The following SLCO1B3 variants were observed in gnomAD, a reference collection of about 807,000 sequenced individuals.
SLCO1B3 encodes solute carrier organic anion transporter family member 1B3.
A neutral mutation model predicts 71.8 loss-of-function variants in SLCO1B3; 72 were observed. The observed-to-expected ratio is 1.00, with a 90% CI of 0.83 to 1.22. The LOEUF (loss-of-function observed/expected upper bound fraction) is 1.22. SLCO1B3 is among the 50% of genes most tolerant of loss of function. The pLI, the probability that SLCO1B3 is intolerant of heterozygous loss-of-function variation, is 0.00. For synonymous variants in SLCO1B3, 298 were observed against 278.4 expected (o/e 1.07, Z -0.70); for missense variants, 911 against 819.7 (o/e 1.11, Z -1.36).
At chr12:20,869,076 C>T (rs889339813) in intron 8 of SLCO1B3, among the ~76,000 whole-genome samples, 4 of 152,132 alleles carry the variant, frequency 2.6e-5, no homozygotes, top group East Asian at 1.9e-4. Flanking sequence ...TGGATAACTG[C>T]GGGCAAGCCT....
At chr12:20,829,578 T>C (rs1051606646) in intron 3 of SLCO1B3, among the ~76,000 whole-genome samples, 2 of 152,118 alleles carry the variant, frequency 1.3e-5, no homozygotes, top group Non-Finnish European at 2.9e-5. Context: ...AAATGTGCAA[T>C]TGGTTTTGTT....
intron 9 of SLCO1B3, among the ~76,000 whole-genome samples, chr12:20,876,056 T>G (rs1473881256): frequency 6.7e-6 from 1 of 149,442 alleles, no homozygotes; most frequent in Non-Finnish European, 1.5e-5. Context: ...GTAATTAAAA[T>G]TATATCTTAT....
At chr12:20,903,966 G>A (rs773990265) in intron 15 of SLCO1B3, among the ~76,000 whole-genome samples, 9 of 152,096 alleles carry the variant, frequency 5.9e-5, no homozygotes, top group Admixed American at 1.3e-4. Flanking sequence ...CTGGCCAGGC[G>A]CGGTGGCTCA....
intron 9 of SLCO1B3, among the ~76,000 whole-genome samples, chr12:20,877,549 G>A (rs940070058): frequency 1.3e-5 from 2 of 151,992 alleles, no homozygotes; most frequent in African/African-American, 4.8e-5. Flanking sequence ...AGTTATGATT[G>A]TATAGAAGTT....
chr12:20,830,518 C>G (rs1367520071), intron 3 of SLCO1B3, among the ~76,000 whole-genome samples: 4 of 152,064 alleles, frequency 2.6e-5, no homozygotes, highest in Non-Finnish European at 4.4e-5. Flanking sequence ...ACACTTTAAA[C>G]AAGATAAAGT....
At chr12:20,825,322 A>T (rs1000798459) in intron 3 of SLCO1B3, among the ~76,000 whole-genome samples, 1 of 152,100 alleles carries the variant, frequency 6.6e-6, no homozygotes, top group Non-Finnish European at 1.5e-5. Flanking sequence ...GTCTTCTGTG[A>T]CAGTCCCTGG....
chr12:20,906,589 GCA>G (rs1866250693), intron 15 of SLCO1B3, among the ~76,000 whole-genome samples: 1 of 152,076 alleles, frequency 6.6e-6, no homozygotes, highest in Non-Finnish European at 1.5e-5. Context: ...TACCTGTTGG[GCA>G]GGGAGATCTC....
intron 3 of SLCO1B3, among the ~76,000 whole-genome samples, chr12:20,833,855 A>G (rs1864606594): frequency 6.8e-6 from 1 of 146,218 alleles, no homozygotes; most frequent in Admixed American, 7.0e-5. Flanking sequence ...ATAAGTTTAT[A>G]TACTCTATAT....
intron 13 of SLCO1B3, among the ~76,000 whole-genome samples, chr12:20,890,331 T>G (rs564767754): frequency 6.6e-6 from 1 of 152,308 alleles, no homozygotes; most frequent in African/African-American, 2.4e-5. Flanking sequence ...TTCTTCTAGG[T>G]ACTAATTTCT....
chr12:20,826,944 T>G (rs972529299), intron 3 of SLCO1B3, among the ~76,000 whole-genome samples: 1 of 152,112 alleles, frequency 6.6e-6, no homozygotes, highest in Non-Finnish European at 1.5e-5. Flanking sequence ...TAACATAACT[T>G]TAGATTATAA....
rs60298174 is a variant in SLCO1B3 at position 20,912,059 on chromosome 12, C to T, written c.1866-3945C>T. ...CTTCATTTATCTCTAATTCTGCTTTCACTGCATCCATAACATTTGATGTTA... is the reference window on the plus strand; with the variant it reads ...CTTCATTTATCTCTAATTCTGCTTTTACTGCATCCATAACATTTGATGTTA... On this transcript the variant is annotated intron_variant, in intron 15 of 15. Coordinates refer to ENST00000381545, the MANE Select transcript of SLCO1B3 (RefSeq NM_019844.4). Among the ~76,000 whole-genome samples the T allele has an allele frequency of 7.9e-3, 1,202 of 152,142 alleles. 22 individuals are homozygous for T. The highest frequency in any genetic ancestry group is 0.028 in the African/African-American group (1,149 of 41,542).
intron 13 of SLCO1B3, among the ~76,000 whole-genome samples, chr12:20,892,438 C>A (rs943276977): frequency 1.3e-5 from 2 of 152,044 alleles, no homozygotes; most frequent in Non-Finnish European, 2.9e-5. Flanking sequence ...GACGTAATAG[C>A]ATGCTTACAT....
intron 3 of SLCO1B3, among the ~76,000 whole-genome samples, chr12:20,838,420 A>C (rs1437005054): frequency 2.6e-5 from 4 of 152,008 alleles, no homozygotes; most frequent in Non-Finnish European, 5.9e-5. Context: ...TCTATCTTTT[A>C]GTTGGTGCAT....
intron 15 of SLCO1B3, among the ~76,000 whole-genome samples, chr12:20,914,814 A>G (rs1278133031): frequency 5.9e-5 from 9 of 152,128 alleles, no homozygotes; most frequent in Non-Finnish European, 1.0e-4. Flanking sequence ...TATTTTTCTT[A>G]ACAGTTAAAT....
chr12:20,869,203 C>T (rs998365289), intron 8 of SLCO1B3, among the ~76,000 whole-genome samples: 6 of 152,172 alleles, frequency 3.9e-5, no homozygotes, highest in African/African-American at 9.6e-5. Context: ...CTTCTTGCTA[C>T]CGCTAGACTG....
intron 3 of SLCO1B3, among the ~76,000 whole-genome samples, chr12:20,819,788 T>C (rs1174356559): frequency 1.3e-5 from 2 of 152,116 alleles, no homozygotes; most frequent in Admixed American, 1.3e-4. Flanking sequence ...GATTAGGTTT[T>C]AATGAGATGA....
chr12:20,879,568 T>TTCTATATTTCC lies in SLCO1B3; in HGVS notation c.1269_1279dup (p.Pro427LeufsTer6), dbSNP rs753996199. ...TCGATGATATCCTTCTTGTTTCAAC[T>TTCTATATTTCC]TCTATATTTCCCTCTAATCTGCGAA... On this transcript the variant is annotated frameshift_variant, in exon 11 of 16. Coordinates refer to ENST00000381545, the MANE Select transcript of SLCO1B3 (RefSeq NM_019844.4). LOFTEE classifies it high-confidence loss of function. 2 of 1,613,336 alleles carry TTCTATATTTCC rather than the reference T, an allele frequency of 1.2e-6. No homozygotes were observed. The highest frequency in any genetic ancestry group is 1.7e-6 in the Non-Finnish European group (2 of 1,179,556).
At chr12:20,911,477 C>A (rs986118977) in intron 15 of SLCO1B3, among the ~76,000 whole-genome samples, 5 of 152,124 alleles carry the variant, frequency 3.3e-5, no homozygotes, top group Non-Finnish European at 7.4e-5. Context: ...AGTATTCCTG[C>A]TGCTTCTATT....
In SLCO1B3 at chr12:20,880,853, A is replaced by C. The variant is rs1246326833; in HGVS notation, c.1332-2A>C. The C allele has an allele frequency of 6.3e-7, 1 of 1,576,330 alleles. No homozygotes were observed. Among genetic ancestry groups the C allele is most frequent in the African/African-American group, 1.4e-5 (1 of 73,294 alleles). On this transcript the variant is annotated splice_acceptor_variant, in intron 11 of 15. Transcript: ENST00000381545. LOFTEE classifies it high-confidence loss of function. Reference sequence around the variant, plus strand: ...TGATATATTTCTATCATATATTTTCAGAAATAATTCAGTGGCATCTCATGT... The same window carrying C: ...TGATATATTTCTATCATATATTTTCCGAAATAATTCAGTGGCATCTCATGT...
Sources: allele counts gnomAD v4.1 joint callset (sites outside exome capture counted in the v4.1 genomes callset), GRCh38; gene constraint gnomAD v4.1.1; transcripts MANE v1.5; gene names NCBI Gene and HGNC (gene_info 2026-07-23, HGNC 2026-07-21).